NKIRAS1: variants seen among roughly 807,000 people sequenced by gnomAD.
NKIRAS1 encodes the protein NF-kappa-B inhibitor-interacting Ras-like protein 1.
A neutral mutation model predicts 19.8 loss-of-function variants in NKIRAS1; 16 were observed. That is an observed-to-expected ratio of 0.81 (90% CI 0.55 to 1.23). The LOEUF is 1.23. Among genes scored for constraint, NKIRAS1 ranks in the 50% most tolerant of loss-of-function variants. NKIRAS1 has a pLI of 0.00. For missense variants in NKIRAS1, 184 were observed against 220.0 expected (o/e 0.84, Z 1.04); for synonymous variants, 88 against 79.0 (o/e 1.11, Z -0.61).
intron 1 of NKIRAS1, among the ~76,000 whole-genome samples, chr3:23,933,969 T>C (rs564967179): frequency 2.6e-5 from 4 of 152,208 alleles, no homozygotes; most frequent in Non-Finnish European, 4.4e-5. Context: ...ATGTGGCTAA[T>C]ATCATTCATG....
At chr3:23,919,530 TA>T (rs1704953435), upstream of NKIRAS1, 1 of 1,514,236 alleles carries the variant, frequency 6.6e-7, no homozygotes, top group Admixed American at 2.0e-5. Context: ...AATTCATACT[TA>T]ATAAACAATT....
intron 4 of NKIRAS1, among the ~76,000 whole-genome samples, chr3:23,894,659 T>A (rs1701803020): frequency 7.7e-6 from 1 of 129,082 alleles, no homozygotes; most frequent in South Asian, 2.4e-4. Flanking sequence ...CTTTGAATGT[T>A]CCTTCACCTT....
intron 1 of NKIRAS1, among the ~76,000 whole-genome samples, chr3:23,931,568 C>G (rs1222751741): frequency 6.6e-6 from 1 of 152,190 alleles, no homozygotes; most frequent in Non-Finnish European, 1.5e-5. Flanking sequence ...ATCTGACATG[C>G]TCTTGTGTTT....
At chr3:23,946,116 C>A in intron 1 of NKIRAS1, 1 of 984,752 alleles carries the variant, frequency 1.0e-6, no homozygotes, top group Non-Finnish European at 1.2e-6. Context: ...GACGTCGCCG[C>A]GATTCCCTCC....
intron 1 of NKIRAS1, among the ~76,000 whole-genome samples, chr3:23,942,959 G>A (rs2125272605): frequency 6.6e-6 from 1 of 152,132 alleles, no homozygotes; most frequent in Admixed American, 6.5e-5. Flanking sequence ...TATCGCCCAG[G>A]CTAGTCTCCG....
intron 1 of NKIRAS1, among the ~76,000 whole-genome samples, chr3:23,941,758 G>C (rs538179739): frequency 6.6e-6 from 1 of 152,232 alleles, no homozygotes; most frequent in Admixed American, 6.5e-5. Context: ...TAGCTCTATA[G>C]CCTCTACTAG....
upstream of NKIRAS1, chr3:23,918,580 A>G (rs760688881): frequency 6.2e-7 from 1 of 1,613,168 alleles, no homozygotes; most frequent in East Asian, 2.2e-5. Flanking sequence ...TGCAGAGGTA[A>G]ATGGTTTTGA....
rs867345053 is a variant in NKIRAS1 at position 23,916,951 on chromosome 3, C to A, written c.-307G>T. ...CTCTCACCTCTCGAGACGCCCAGGC[C>A]GCTCAGGCTCGAATCTTGCGGAGCA... On this transcript the variant is annotated 5_prime_UTR_variant, in exon 1 of 5. Coordinates refer to ENST00000425478, the MANE Select transcript of NKIRAS1 (RefSeq NM_020345.4). 1 of 152,658 alleles carries A rather than the reference C, an allele frequency of 6.6e-6. No homozygotes were observed. The highest frequency in any genetic ancestry group is 2.4e-5 in the African/African-American group (1 of 41,474). The allele number at this position is 152,658 out of a possible 1,614,324, so 9.5% of individuals were successfully genotyped here.
chr3:23,896,868 T>C (rs1033702497), intron 4 of NKIRAS1, among the ~76,000 whole-genome samples: 1 of 150,592 alleles, frequency 6.6e-6, no homozygotes, highest in Admixed American at 6.6e-5. Flanking sequence ...ATATGTTACA[T>C]GAAAAACAGA....
chr3:23,917,689 C>T (rs1704717261), upstream of NKIRAS1: 5 of 665,888 alleles, frequency 7.5e-6, no homozygotes, highest in Admixed American at 1.0e-4. Context: ...GCTCCGTGGG[C>T]GCAGTGGTGG....
upstream of NKIRAS1, chr3:23,918,951 T>C (rs1235150677): frequency 1.4e-5 from 8 of 557,544 alleles, no homozygotes; most frequent in East Asian, 1.8e-4. Flanking sequence ...ATTAACATAT[T>C]CCTGCCCTAG....
chr3:23,928,116 A>G lies in NKIRAS1; in HGVS notation c.-139-16666T>C, dbSNP rs1375815846. The stretch of plus-strand genomic sequence containing the variant: ...CTCTACACACCACACACACACACAC[A>G]CACACACACACATACACACACACAC... On this transcript the variant is annotated intron_variant, in intron 1 of 4. Coordinates refer to the NKIRAS1 transcript ENST00000421515. Among the ~76,000 whole-genome samples, 3 of 150,996 alleles carry G rather than the reference A, an allele frequency of 2.0e-5. No individual in the cohort carries two copies. The East Asian group carries it at 5.8e-4, about 29-fold the overall frequency.
At chr3:23,911,952 C>A (rs531453408) in intron 1 of NKIRAS1, among the ~76,000 whole-genome samples, 1 of 151,908 alleles carries the variant, frequency 6.6e-6, no homozygotes. Context: ...TTAGTAGAGA[C>A]GGGGTTTCAC....
chr3:23,899,952 A>G (rs1209658710), intron 4 of NKIRAS1, among the ~76,000 whole-genome samples: 1 of 151,886 alleles, frequency 6.6e-6, no homozygotes, highest in Non-Finnish European at 1.5e-5. Context: ...TCACAAAGTC[A>G]GGAGATCGAG....
intron 4 of NKIRAS1, among the ~76,000 whole-genome samples, chr3:23,896,923 G>T (rs1702051881): frequency 6.6e-6 from 1 of 151,918 alleles, no homozygotes; most frequent in Non-Finnish European, 1.5e-5. Flanking sequence ...GGGAAAAAAG[G>T]CTAGGCACAC....
At chr3:23,906,234 G>A (rs891698736) in intron 3 of NKIRAS1, among the ~76,000 whole-genome samples, 1 of 151,166 alleles carries the variant, frequency 6.6e-6, no homozygotes, top group African/African-American at 2.4e-5. Flanking sequence ...GTAGATAAGA[G>A]GACACAGAGC....
intron 1 of NKIRAS1, among the ~76,000 whole-genome samples, chr3:23,929,928 G>GT (rs1328377251): frequency 1.3e-5 from 2 of 151,642 alleles, no homozygotes; most frequent in African/African-American, 4.9e-5. Context: ...TCCAGTCTTT[G>GT]TTTTTTTTAA....
At chr3:23,921,480 A>G (rs926759871), upstream of NKIRAS1, 2 of 637,880 alleles carry the variant, frequency 3.1e-6, no homozygotes, top group Non-Finnish European at 5.5e-6. Flanking sequence ...TCACTTTATT[A>G]GCTATACCCT....
At chr3:23,931,857 C>T (rs530471827) in intron 1 of NKIRAS1, among the ~76,000 whole-genome samples, 2 of 152,312 alleles carry the variant, frequency 1.3e-5, no homozygotes, top group Admixed American at 1.3e-4. Context: ...CTGTCAGCTC[C>T]TTGCCCCAAA....
Sources: gnomAD v4.1 joint callset for allele counts (sites outside exome capture counted in the v4.1 genomes callset) on GRCh38, gnomAD v4.1.1 for gene constraint, MANE v1.5 for transcripts, NCBI Gene and HGNC (gene_info 2026-07-23, HGNC 2026-07-21) for gene names.